The following AUH variants were observed in gnomAD, a reference collection of about 807,000 sequenced individuals.
AUH encodes the protein methylglutaconyl-CoA hydratase, mitochondrial.
Under a neutral mutation model 42.3 loss-of-function variants are expected in AUH, and 29 were observed. The observed-to-expected ratio is 0.69, with a 90% CI of 0.51 to 0.93. The LOEUF is 0.93. Among genes scored for constraint, AUH ranks in the 40% least tolerant of loss-of-function variants. AUH has a pLI of 0.00. For synonymous variants in AUH, 174 were observed against 166.4 expected (o/e 1.05, Z -0.35); for missense variants, 452 against 438.1 (o/e 1.03, Z -0.28).
rs1240048486 is a variant in AUH at position 91,298,046 on chromosome 9, A to AT, written c.535dup (p.Ile179AsnfsTer11). On this transcript the variant is annotated frameshift_variant, in exon 5 of 10. Coordinates refer to ENST00000375731, the MANE Select transcript of AUH (RefSeq NM_001698.3). LOFTEE classifies it high-confidence loss of function. ...ACCACCACCTAAAGCGAGTCCATCT[A>AT]TTGCTGCAATTGTTGGTACTGGAAG... 6.8e-6 allele frequency: 11 copies of AT among 1,613,718 alleles called. No individual in the cohort carries two copies. The highest frequency in any genetic ancestry group is 2.5e-6 in the Non-Finnish European group (3 of 1,179,702).
chr9:91,259,940 A>G (rs1829622459), intron 6 of AUH, among the ~76,000 whole-genome samples: 1 of 152,134 alleles, frequency 6.6e-6, no homozygotes. Context: ...ATACACCTAA[A>G]GTTTTCTATA....
At chr9:91,294,813 A>G (rs1157051596) in intron 6 of AUH, 4 of 454,288 alleles carry the variant, frequency 8.8e-6, no homozygotes, top group South Asian at 6.2e-5. Context: ...GATGTGGTGG[A>G]AAGAGCAAGA....
At position 91,361,844 on chromosome 9, in the gene AUH, G is replaced by A; in HGVS notation, c.46C>T (p.His16Tyr). The change falls in exon 1 of 10, where the codon CAT (histidine) becomes TAT (tyrosine). Residue 16 changes from histidine (H) to tyrosine (Y), a missense_variant. Physicochemically the swap from His to Tyr is moderately conservative, Grantham distance 83. Transcript: ENST00000375731. ...GCCACCAGGCGGGCGCCGCCAGCAT[G>A]CAGGGATCCCAAGGCCCCAGGTGCC... ...AAAPGALGSL[H>Y]AGGARLVAAC... 1 of 1,495,084 alleles carries A rather than the reference G, an allele frequency of 6.7e-7. No homozygotes were observed. Among genetic ancestry groups the A allele is most frequent in the Non-Finnish European group, 8.9e-7 (1 of 1,128,262 alleles). 92.6% of individuals were successfully genotyped at this position (1,495,084 alleles called of 1,614,324 possible).
At chr9:91,312,674 C>T (rs965256321) in intron 4 of AUH, among the ~76,000 whole-genome samples, 2 of 152,130 alleles carry the variant, frequency 1.3e-5, no homozygotes, top group East Asian at 1.9e-4. Flanking sequence ...TGCAGTGAGC[C>T]GAGATCGTGC....
At chr9:91,242,826 G>A (rs1828593937) in intron 6 of AUH, among the ~76,000 whole-genome samples, 1 of 152,088 alleles carries the variant, frequency 6.6e-6, no homozygotes, top group African/African-American at 2.4e-5. Context: ...AAAATATCAG[G>A]AATAAAAGAA....
chr9:91,285,676 G>C (rs1469312288), intron 6 of AUH, among the ~76,000 whole-genome samples: 1 of 152,022 alleles, frequency 6.6e-6, no homozygotes, highest in Non-Finnish European at 1.5e-5. Flanking sequence ...TTATTCCACA[G>C]CTACTAACAA....
intron 6 of AUH, among the ~76,000 whole-genome samples, chr9:91,270,139 T>G (rs1047757176): frequency 6.6e-6 from 1 of 152,240 alleles, no homozygotes; most frequent in Admixed American, 6.5e-5. Context: ...TGACTCTGGT[T>G]AGCATAAGGA....
At position 91,361,634 on chromosome 9, in the gene AUH, TCTC is replaced by T. The variant is rs781730310; in HGVS notation, c.253_255del (p.Glu85del). 2.5e-6 allele frequency: 4 copies of T among 1,582,344 alleles called. No individual in the cohort carries two copies. Among genetic ancestry groups the T allele is most frequent in the Non-Finnish European group, 3.4e-6 (4 of 1,165,326 alleles). The stretch of plus-strand genomic sequence containing the variant: ...CCCAGCGTTCGCACCTCACCTCGGT[TCTC>T]CTCCTCCAGGTGCCGCACCCGCAGC... On this transcript the variant is annotated inframe_deletion, in exon 1 of 10. Coordinates refer to ENST00000375731, the MANE Select transcript of AUH (RefSeq NM_001698.3).
At chr9:91,330,851 A>G (rs1830273905) in intron 3 of AUH, among the ~76,000 whole-genome samples, 1 of 152,212 alleles carries the variant, frequency 6.6e-6, no homozygotes, top group African/African-American at 2.4e-5. Context: ...CAATATTAGT[A>G]TTTGGCGATA....
intron 6 of AUH, among the ~76,000 whole-genome samples, chr9:91,223,734 AT>A (rs34082764): frequency 0.02 from 2,979 of 151,474 alleles, 43 homozygotes; most frequent in Non-Finnish European, 0.032. Flanking sequence ...AACACTTACT[AT>A]TTTTTTTTAT....
intron 4 of AUH, among the ~76,000 whole-genome samples, chr9:91,324,989 T>C (rs777945499): frequency 6.6e-6 from 1 of 152,130 alleles, no homozygotes; most frequent in Non-Finnish European, 1.5e-5. Context: ...TGATCCTGTA[T>C]ATTTAAAAAA....
At chr9:91,288,440 G>A (rs963440135) in intron 6 of AUH, among the ~76,000 whole-genome samples, 3 of 152,084 alleles carry the variant, frequency 2.0e-5, no homozygotes, top group African/African-American at 2.4e-5. Context: ...AGGTGAGAAC[G>A]TTGGAGACGA....
intron 8 of AUH, among the ~76,000 whole-genome samples, chr9:91,216,439 GACAC>G (rs113531404): frequency 1.6e-4 from 24 of 149,600 alleles, no homozygotes; most frequent in East Asian, 3.9e-4. Flanking sequence ...TTTATGTCGC[GACAC>G]ACACACACAC....
At chr9:91,234,147 T>G (rs1828044848) in intron 6 of AUH, among the ~76,000 whole-genome samples, 1 of 152,158 alleles carries the variant, frequency 6.6e-6, no homozygotes, top group African/African-American at 2.4e-5. Context: ...GGAGACCCCT[T>G]TGGCCACCCC....
At chr9:91,323,961 A>C (rs1471477639) in intron 4 of AUH, among the ~76,000 whole-genome samples, 1 of 152,196 alleles carries the variant, frequency 6.6e-6, no homozygotes, top group Non-Finnish European at 1.5e-5. Context: ...TTCTAAATTC[A>C]TTTGGAAAAA....
At chr9:91,276,875 T>A (rs1355057902) in intron 6 of AUH, among the ~76,000 whole-genome samples, 2 of 152,202 alleles carry the variant, frequency 1.3e-5, no homozygotes, top group Admixed American at 6.5e-5. Context: ...AAGTAAAGAA[T>A]GTGAAAATGG....
At chr9:91,281,991 G>A (rs929426905) in intron 6 of AUH, among the ~76,000 whole-genome samples, 6 of 152,046 alleles carry the variant, frequency 3.9e-5, no homozygotes, top group Non-Finnish European at 5.9e-5. Context: ...AAAAACCTAC[G>A]GTGAGCCCCC....
At chr9:91,250,615 C>G (rs1829073970) in intron 6 of AUH, among the ~76,000 whole-genome samples, 1 of 152,230 alleles carries the variant, frequency 6.6e-6, no homozygotes, top group African/African-American at 2.4e-5. Flanking sequence ...ACTATGTAAT[C>G]TGCATACCCG....
At chr9:91,264,332 G>A (rs1829856952) in intron 6 of AUH, among the ~76,000 whole-genome samples, 3 of 152,196 alleles carry the variant, frequency 2.0e-5, no homozygotes, top group African/African-American at 7.2e-5. Context: ...TGAGGCATGA[G>A]TGGAGGTTCT....
Sources: allele counts gnomAD v4.1 joint callset (sites outside exome capture counted in the v4.1 genomes callset), GRCh38; gene constraint gnomAD v4.1.1; transcripts MANE v1.5; gene names NCBI Gene and HGNC (gene_info 2026-07-23, HGNC 2026-07-21).